The following ARID2 variants were observed in gnomAD, a reference collection of about 807,000 sequenced individuals.
ARID2 encodes AT-rich interactive domain-containing protein 2.
Under a neutral mutation model 184.6 loss-of-function variants are expected in ARID2, and 32 were observed. That is an observed-to-expected ratio of 0.17 (90% CI 0.13 to 0.23). The LOEUF (loss-of-function observed/expected upper bound fraction) is 0.23, where lower values mean the gene tolerates loss of function less well. Ranked by LOEUF, ARID2 falls within the 10% of genes least tolerant of loss-of-function variation. ARID2 has a pLI of 1.00. For missense variants in ARID2, 1,696 were observed against 2,197.6 expected, an observed-to-expected ratio of 0.77 and a Z score of 4.56; for synonymous variants, 836 against 772.6, an observed-to-expected ratio of 1.08 and a Z score of -1.36.
chr12:45,755,544 C>G (rs764093830), intron 3 of ARID2, among the ~76,000 whole-genome samples: 3 of 152,160 alleles, frequency 2.0e-5, no homozygotes, highest in Non-Finnish European at 4.4e-5. Context: ...TACAGAAGAA[C>G]AGGTTAATAG....
chr12:45,788,094 T>A (rs1405448292), intron 3 of ARID2, among the ~76,000 whole-genome samples: 1 of 152,208 alleles, frequency 6.6e-6, no homozygotes, highest in Non-Finnish European at 1.5e-5. Context: ...CACATAGTTA[T>A]CATTTTTATA....
intron 16 of ARID2, among the ~76,000 whole-genome samples, chr12:45,887,944 G>A (rs1367932702): frequency 6.6e-6 from 1 of 152,184 alleles, no homozygotes; most frequent in Admixed American, 6.5e-5. Flanking sequence ...CTAATGTACA[G>A]AAGAAAGTTA....
intron 6 of ARID2, among the ~76,000 whole-genome samples, chr12:45,830,716 G>A (rs1444690729): frequency 6.6e-6 from 1 of 152,072 alleles, no homozygotes; most frequent in East Asian, 1.9e-4. Flanking sequence ...ACAATGGGGA[G>A]TGGCAGTTAT....
chr12:45,765,816 C>T (rs1055765269), intron 3 of ARID2, among the ~76,000 whole-genome samples: 1 of 152,104 alleles, frequency 6.6e-6, no homozygotes, highest in Non-Finnish European at 1.5e-5. Flanking sequence ...CCTCAAAAGT[C>T]TTTTCTTGCC....
chr12:45,821,380 G>A lies in ARID2; in HGVS notation c.638-40G>A, dbSNP rs2059404. On this transcript the variant is annotated intron_variant, in intron 5 of 20. Transcript: ENST00000334344. The stretch of plus-strand genomic sequence containing the variant: ...AAATAATTAATTGAAAGAATTTATT[G>A]CATTTTATTGAATGTACTATTTATT... The A allele has an allele frequency of 0.49, 597,371 of 1,220,044 alleles. 148,071 individuals are homozygous for A. The highest frequency in any genetic ancestry group is 0.55 in the Admixed American group (20,315 of 36,798). The allele number at this position is 1,220,044 out of a possible 1,614,324, so 75.6% of individuals were successfully genotyped here.
At chr12:45,856,456 A>G (rs1943653085) in intron 15 of ARID2, among the ~76,000 whole-genome samples, 1 of 152,214 alleles carries the variant, frequency 6.6e-6, no homozygotes, top group Non-Finnish European at 1.5e-5. Flanking sequence ...TTAAAGGAGT[A>G]GACAAAATAG....
At chr12:45,761,092 T>A (rs1941669728) in intron 3 of ARID2, among the ~76,000 whole-genome samples, 1 of 152,202 alleles carries the variant, frequency 6.6e-6, no homozygotes, top group Non-Finnish European at 1.5e-5. Context: ...GAATTTAATG[T>A]GATTATTTCT....
At chr12:45,755,555 A>G (rs1411704368) in intron 3 of ARID2, among the ~76,000 whole-genome samples, 1 of 152,242 alleles carries the variant, frequency 6.6e-6, no homozygotes, top group African/African-American at 2.4e-5. Flanking sequence ...AGGTTAATAG[A>G]GAATTCTACT....
chr12:45,815,339 T>G (rs1942786675), intron 4 of ARID2, among the ~76,000 whole-genome samples: 1 of 152,212 alleles, frequency 6.6e-6, no homozygotes, highest in Non-Finnish European at 1.5e-5. Flanking sequence ...ATGAGAAATT[T>G]CATTTATAAG....
At chr12:45,887,523 T>C (rs1944214445) in intron 16 of ARID2, among the ~76,000 whole-genome samples, 1 of 152,092 alleles carries the variant, frequency 6.6e-6, no homozygotes. Flanking sequence ...AGAAACACAA[T>C]AGAATCCAAT....
Position 45,907,315 on chromosome 12 carries a change from T to C in ARID2, c.*2237T>C, listed in dbSNP as rs1944542116. On this transcript the variant is annotated 3_prime_UTR_variant, in exon 21 of 21. Coordinates refer to ENST00000334344, the MANE Select transcript of ARID2 (RefSeq NM_152641.4). The stretch of plus-strand genomic sequence containing the variant: ...GCAACAACGTTTATTTGAAAGATAA[T>C]GTCTTCTCAAAATCAGAAACTGCAG... The C allele has an allele frequency of 4.3e-6, 1 of 233,026 alleles. No individual in the cohort carries two copies. The highest frequency in any genetic ancestry group is 8.5e-6 in the Non-Finnish European group (1 of 117,914). 14.4% of individuals were successfully genotyped at this position (233,026 alleles called of 1,614,324 possible). A position where few individuals can be genotyped will look rare whatever the true frequency, so the allele number is the denominator to read the frequency against.
intron 3 of ARID2, among the ~76,000 whole-genome samples, chr12:45,764,632 C>T (rs1941739864): frequency 1.3e-5 from 2 of 152,156 alleles, no homozygotes. Context: ...CCTTTTAAGC[C>T]TGGCTTCTTT....
intron 3 of ARID2, among the ~76,000 whole-genome samples, chr12:45,784,532 G>T (rs987379132): frequency 6.6e-6 from 1 of 152,110 alleles, no homozygotes; most frequent in African/African-American, 2.4e-5. Context: ...ACAAAAATTA[G>T]CTGGGTATGG....
In ARID2 at chr12:45,875,674, G is replaced by T. The variant is rs563499900; in HGVS notation, c.4922+14725G>T. 2.0e-5 allele frequency among the ~76,000 whole-genome samples: 3 copies of T among 152,346 alleles called. No homozygotes were observed. The East Asian group carries it at 5.8e-4, about 29-fold the overall frequency. ...AGCTAGGTCTTCTGGATAACGTGCT[G>T]CAGCTTCTGCATCAGGACTTGCTTT... On this transcript the variant is annotated intron_variant, in intron 16 of 20. Transcript: ENST00000334344.
intron 20 of ARID2, among the ~76,000 whole-genome samples, chr12:45,901,060 C>T (rs1225301083): frequency 1.3e-5 from 2 of 149,984 alleles, no homozygotes; most frequent in Non-Finnish European, 3.0e-5. Flanking sequence ...TTATATCCTT[C>T]AGTAATGGGA....
intron 3 of ARID2, among the ~76,000 whole-genome samples, chr12:45,761,123 C>T (rs1477996615): frequency 6.6e-6 from 1 of 152,098 alleles, no homozygotes; most frequent in East Asian, 1.9e-4. Context: ...TTAGCTCTGC[C>T]ATTTTATATC....
At chr12:45,837,219 C>T (rs954316420) in intron 8 of ARID2, 102 bp from the exon 9 acceptor site, 7 of 1,168,988 alleles carry the variant, frequency 6.0e-6, no homozygotes, top group African/African-American at 3.1e-5. Context: ...CATTTTTTAA[C>T]GTTATGCAAC....
chr12:45,843,375 C>CT (rs78325653), intron 11 of ARID2, among the ~76,000 whole-genome samples: 1,444 of 139,362 alleles, frequency 0.01, 17 homozygotes, highest in South Asian at 0.068. Flanking sequence ...ATGTTTTCTT[C>CT]TTTTTTTTTT....
chr12:45,795,981 G>T (rs145995291), intron 3 of ARID2, among the ~76,000 whole-genome samples: 93 of 151,824 alleles, frequency 6.1e-4, no homozygotes, highest in African/African-American at 2.1e-3. Flanking sequence ...AAATTCCCTG[G>T]TCTCCGCTCC....
Sources: gnomAD v4.1 joint callset for allele counts (sites outside exome capture counted in the v4.1 genomes callset) on GRCh38, gnomAD v4.1.1 for gene constraint, MANE v1.5 for transcripts, NCBI Gene and HGNC (gene_info 2026-07-23, HGNC 2026-07-21) for gene names.